RPA1: variants seen among roughly 807,000 people sequenced by gnomAD.
RPA1 encodes the protein replication protein A 70 kDa DNA-binding subunit.
In RPA1, 49 loss-of-function variants were observed where a neutral mutation model predicts 83.0. That is an observed-to-expected ratio of 0.59 (90% CI 0.47 to 0.75). The LOEUF is 0.75. Ranked by LOEUF, RPA1 falls within the 30% of genes least tolerant of loss-of-function variation. RPA1 has a pLI of 0.00. For synonymous variants in RPA1, 279 were observed against 281.8 expected (o/e 0.99, Z 0.10); for missense variants, 693 against 776.1 (o/e 0.89, Z 1.27).
intron 4 of RPA1, among the ~76,000 whole-genome samples, chr17:1,846,470 A>G (rs1275174654): frequency 3.3e-5 from 5 of 150,266 alleles, no homozygotes; most frequent in African/African-American, 9.8e-5. Flanking sequence ...GGCGCCCACC[A>G]CCACGCCTGG....
intron 1 of RPA1, among the ~76,000 whole-genome samples, chr17:1,835,916 A>T (rs1404898206): frequency 6.6e-6 from 1 of 151,944 alleles, no homozygotes; most frequent in African/African-American, 2.4e-5. Flanking sequence ...TGAGGCCAAG[A>T]AAGAGTTTGA....
intron 5 of RPA1, among the ~76,000 whole-genome samples, chr17:1,862,664 C>T (rs1416296661): frequency 6.7e-6 from 1 of 148,612 alleles, no homozygotes; most frequent in African/African-American, 2.5e-5. Flanking sequence ...AGTGATCCGC[C>T]CACCTTGACC....
At chr17:1,895,227 C>T (rs1914360414) in intron 16 of RPA1, 132 bp downstream of exon 16, 2 of 611,100 alleles carry the variant, frequency 3.3e-6, no homozygotes, top group Non-Finnish European at 5.7e-6. Flanking sequence ...TTGCCCAACA[C>T]AGGTGCTGTT....
At chr17:1,857,690 C>CT (rs1230598677) in intron 5 of RPA1, among the ~76,000 whole-genome samples, 2 of 145,218 alleles carry the variant, frequency 1.4e-5, no homozygotes, top group Non-Finnish European at 3.0e-5. Context: ...AGCCACAGAG[C>CT]TGGCATTGTT....
At chr17:1,882,835 C>T (rs1459851465) in intron 12 of RPA1, among the ~76,000 whole-genome samples, 1 of 152,178 alleles carries the variant, frequency 6.6e-6, no homozygotes, top group South Asian at 2.1e-4. Flanking sequence ...AGGACTACCC[C>T]AGACGGCCAC....
chr17:1,849,758 G>T (rs137881531), intron 4 of RPA1, among the ~76,000 whole-genome samples: 1 of 152,010 alleles, frequency 6.6e-6, no homozygotes, highest in African/African-American at 2.4e-5. Flanking sequence ...GGAAAAACGC[G>T]CAGTTTACCA....
intron 5 of RPA1, among the ~76,000 whole-genome samples, chr17:1,863,374 G>C (rs1288305246): frequency 6.6e-6 from 1 of 151,680 alleles, no homozygotes; most frequent in Non-Finnish European, 1.5e-5. Flanking sequence ...ACCACACTCA[G>C]CTAATTTTTT....
chr17:1,843,378 C>T (rs1014905359), intron 2 of RPA1, among the ~76,000 whole-genome samples: 1 of 151,628 alleles, frequency 6.6e-6, no homozygotes, highest in African/African-American at 2.4e-5. Flanking sequence ...CAGCTTGGGG[C>T]TCTGGGTACA....
In RPA1 at chr17:1,883,829, A is replaced by G; in HGVS notation, c.1259A>G (p.Gln420Arg). 2 of 1,614,080 alleles carry G rather than the reference A, an allele frequency of 1.2e-6. No individual in the cohort carries two copies. The highest frequency in any genetic ancestry group is 1.7e-6 in the Non-Finnish European group (2 of 1,179,978). Residue 420 changes from glutamine to arginine, a missense_variant, in exon 13 of 17, where the codon CAA becomes CGA. Gln to Arg is a conservative substitution (Grantham distance 43). Transcript: ENST00000254719. ...KLRGWFDAEG[Q>R]ALDGVSISDL... Reference sequence around the variant, plus strand: ...GTTTTCAGGTTTGACGCAGAAGGACAAGCCTTAGATGGTGTTTCCATCTCT... The same window carrying G: ...GTTTTCAGGTTTGACGCAGAAGGACGAGCCTTAGATGGTGTTTCCATCTCT...
chr17:1,880,024 C>A (rs1203762205), intron 11 of RPA1, among the ~76,000 whole-genome samples: 1 of 145,742 alleles, frequency 6.9e-6, no homozygotes, highest in Admixed American at 6.9e-5. Flanking sequence ...GAGGGGGCGT[C>A]TGTTCCTATA....
rs755486139 is a variant in RPA1, at chr17:1,877,290, C to T, written c.666C>T (p.Phe222=). ...WSNSRGEGKL[F]SLELVDESGE... ...ACTCCCGAGGGGAAGGGAAGCTTTTCTCCCTAGAACTGGTTGACGAAAGTG... is the reference window on the plus strand; with the variant it reads ...ACTCCCGAGGGGAAGGGAAGCTTTTTTCCCTAGAACTGGTTGACGAAAGTG... Residue 222 remains phenylalanine, a synonymous_variant, in exon 8 of 17, where the codon TTC becomes TTT. Transcript: ENST00000254719. The T allele has an allele frequency of 4.3e-6, 7 of 1,614,144 alleles. No individual in the cohort carries two copies. Among genetic ancestry groups the T allele is most frequent in the African/African-American group, 1.3e-5 (1 of 75,042 alleles).
chr17:1,874,012 A>AAAAAAAAAAAAAT (rs1555592994), intron 6 of RPA1, among the ~76,000 whole-genome samples: 5 of 93,844 alleles, frequency 5.3e-5, no homozygotes, highest in African/African-American at 2.6e-4. Flanking sequence ...AAAAAAAAAA[A>AAAAAAAAAAAAAT]ATATATATAT....
At position 1,879,567 on chromosome 17, in the gene RPA1, C is replaced by T. The variant is rs370063869; in HGVS notation, c.960C>T (p.Ile320=). ...NKSKDSLVDI[I]GICKSYEDAT... ...CACGTGCATGTGTTTTAGACATCAT[C>T]GGGATCTGCAAGAGCTATGAAGACG... Residue 320 remains isoleucine, a synonymous_variant, in exon 11 of 17, where the codon ATC becomes ATT. Transcript: ENST00000254719. 40 of 1,614,016 alleles carry T rather than the reference C, an allele frequency of 2.5e-5. No individual in the cohort carries two copies. Among genetic ancestry groups the T allele is most frequent in the Non-Finnish European group, 3.1e-5 (36 of 1,180,044 alleles).
In RPA1 at chr17:1,899,670, C is replaced by A. The variant is rs1914576534; in HGVS notation, c.*2495C>A. On this transcript the variant is annotated 3_prime_UTR_variant, in exon 17 of 17. Coordinates refer to ENST00000254719, the MANE Select transcript of RPA1 (RefSeq NM_002945.5). Reference sequence around the variant, plus strand: ...ATACTATTGATCGTGGTATTTAATACACTAATGAAACCCATGGTTATTGAC... The same window carrying A: ...ATACTATTGATCGTGGTATTTAATAAACTAATGAAACCCATGGTTATTGAC... 6.6e-6 allele frequency: 1 copy of A among 152,152 alleles called. No individual in the cohort carries two copies. Among genetic ancestry groups the A allele is most frequent in the South Asian group, 2.1e-4 (1 of 4,820 alleles). The allele number at this position is 152,152 out of a possible 1,614,324, so 9.4% of individuals were successfully genotyped here. A position where few individuals can be genotyped will look rare whatever the true frequency, so the allele number is the denominator to read the frequency against.
chr17:1,846,179 A>C (rs1361257974), intron 4 of RPA1, among the ~76,000 whole-genome samples: 1 of 151,900 alleles, frequency 6.6e-6, no homozygotes, highest in Admixed American at 6.6e-5. Flanking sequence ...TGCTAGAATG[A>C]CCACTTGCCT....
At chr17:1,839,078 C>A (rs541419758) in intron 1 of RPA1, among the ~76,000 whole-genome samples, 47 of 152,280 alleles carry the variant, frequency 3.1e-4, no homozygotes, top group Non-Finnish European at 5.3e-4. Flanking sequence ...TGGTCCCAAT[C>A]TCCTGACCTC....
At chr17:1,841,059 T>C (rs760887494) in intron 1 of RPA1, among the ~76,000 whole-genome samples, 5 of 152,048 alleles carry the variant, frequency 3.3e-5, no homozygotes, top group African/African-American at 4.8e-5. Flanking sequence ...CGAAACTCCG[T>C]CTCAAAAAAA....
intron 5 of RPA1, among the ~76,000 whole-genome samples, chr17:1,867,150 CAT>C (rs1211185880): frequency 3.9e-5 from 6 of 152,112 alleles, no homozygotes; most frequent in African/African-American, 1.4e-4. Context: ...TAAATTGACA[CAT>C]CACTTTTTTT....
intron 12 of RPA1, among the ~76,000 whole-genome samples, chr17:1,882,297 A>G (rs1913826688): frequency 6.6e-6 from 1 of 152,156 alleles, no homozygotes; most frequent in Admixed American, 6.6e-5. Flanking sequence ...GCAAAAGTAA[A>G]ATTTCACTAA....
Sources: gnomAD v4.1 joint callset for allele counts (sites outside exome capture counted in the v4.1 genomes callset) on GRCh38, gnomAD v4.1.1 for gene constraint, MANE v1.5 for transcripts, NCBI Gene and HGNC (gene_info 2026-07-23, HGNC 2026-07-21) for gene names.